Variants in KCNG3 observed in about 807,000 individuals in gnomAD.
The protein encoded by KCNG3 is voltage-gated potassium channel regulatory subunit KCNG3.
A neutral mutation model predicts 29.0 loss-of-function variants in KCNG3; 15 were observed. That is an observed-to-expected ratio of 0.52 (90% CI 0.35 to 0.80). The LOEUF (loss-of-function observed/expected upper bound fraction) is 0.80. Among genes scored for constraint, KCNG3 ranks in the 30% least tolerant of loss-of-function variants. The pLI is 0.01. For synonymous variants in KCNG3, 322 were observed against 248.9 expected (o/e 1.29, Z -2.76); for missense variants, 512 against 605.7 (o/e 0.85, Z 1.62).
chr2:42,395,536 T>C, the KCNG3 span, among the ~76,000 whole-genome samples: 1 of 152,324 alleles, frequency 6.6e-6, no homozygotes. Flanking sequence ...GTAGATGTAA[T>C]AATGATGTCT....
chr2:42,396,134 G>T, the KCNG3 span, among the ~76,000 whole-genome samples: 1 of 152,116 alleles, frequency 6.6e-6, no homozygotes, highest in Non-Finnish European at 1.5e-5. Flanking sequence ...ATACCATACT[G>T]AAAGTAAAAA....
chr2:42,487,711 T>G (rs1673762649), intron 1 of KCNG3, among the ~76,000 whole-genome samples: 1 of 152,242 alleles, frequency 6.6e-6, no homozygotes, highest in African/African-American at 2.4e-5. Context: ...TGGAATTATC[T>G]GTGAAAATTA....
At position 42,488,167 on chromosome 2, in the gene KCNG3, T is replaced by C. The variant is rs140276024; in HGVS notation, c.665+4670A>G. On this transcript the variant is annotated intron_variant, in intron 1 of 1. Coordinates refer to ENST00000306078, the MANE Select transcript of KCNG3 (RefSeq NM_133329.6). ...TTTTAGATTTTGAACCGTTTTTATA[T>C]GATTATTAACCATCTAAAACAAATC... Among the ~76,000 whole-genome samples, 8 of 152,356 alleles carry C rather than the reference T, an allele frequency of 5.3e-5. No individual in the cohort carries two copies. The East Asian group carries it at 1.3e-3, about 26-fold the overall frequency.
In KCNG3 at chr2:42,493,364, G is replaced by A. The variant is rs771996239; in HGVS notation, c.138C>T (p.Asp46=). ...SRLHGCRSER[D]VLEVCDDYDR... is the part of the protein sequence containing the mutation. ...CGTAGTCGTCGCACACCTCGAGCAC[G>A]TCGCGCTCGGAGCGGCAGCCGTGCA... Residue 46 remains aspartate (D), a synonymous_variant, in exon 1 of 2, where the codon GAC becomes GAT. Transcript: ENST00000306078. 17 of 1,572,266 alleles carry A rather than the reference G, an allele frequency of 1.1e-5. No individual in the cohort carries two copies. Among genetic ancestry groups the A allele is most frequent in the Admixed American group, 1.8e-5 (1 of 56,250 alleles).
the KCNG3 span, among the ~76,000 whole-genome samples, chr2:42,397,266 A>G: frequency 6.6e-6 from 1 of 152,318 alleles, no homozygotes; most frequent in East Asian, 1.9e-4. Flanking sequence ...AGAGAAAAAA[A>G]AAGCAATGAG....
the KCNG3 span, among the ~76,000 whole-genome samples, chr2:42,430,692 G>A: frequency 6.6e-6 from 1 of 152,062 alleles, no homozygotes; most frequent in African/African-American, 2.4e-5. Context: ...AGATGGTCGA[G>A]GCTACAATGA....
At chr2:42,485,062 G>A (rs779213149) in intron 1 of KCNG3, among the ~76,000 whole-genome samples, 12 of 152,204 alleles carry the variant, frequency 7.9e-5, no homozygotes, top group Admixed American at 5.2e-4. Context: ...AAAGGCAATC[G>A]AAATAATATA....
chr2:42,390,622 G>C, the KCNG3 span, among the ~76,000 whole-genome samples: 1 of 152,176 alleles, frequency 6.6e-6, no homozygotes, highest in African/African-American at 2.4e-5. Flanking sequence ...TTGTTTATCA[G>C]ACTCCTCTGA....
Position 42,452,243 on chromosome 2 carries a change from ATTTT to A in KCNG3, c.666-7668_666-7665del, listed in dbSNP as rs771771721. ...TAAATATATATATATATATATATATATTTTTTTTTTTTTTTTAAAGGAAACAGAA... is the reference window on the plus strand; with the variant it reads ...TAAATATATATATATATATATATATATTTTTTTTTTTTAAAGGAAACAGAA... On this transcript the variant is annotated intron_variant, in intron 1 of 1. Transcript: ENST00000306078. Among the ~76,000 whole-genome samples the A allele has an allele frequency of 4.0e-3, 378 of 95,038 alleles. 7 individuals are homozygous for A. The highest frequency in any genetic ancestry group is 0.021 in the South Asian group (65 of 3,166). 62.3% of individuals were successfully genotyped at this position (95,038 alleles called of 152,430 possible). A position where few individuals can be genotyped will look rare whatever the true frequency, so the allele number is the denominator to read the frequency against.
At chr2:42,429,554 G>A in the KCNG3 span, among the ~76,000 whole-genome samples, 2 of 152,270 alleles carry the variant, frequency 1.3e-5, no homozygotes, top group Middle Eastern at 6.8e-3. Flanking sequence ...TGTCGAATCA[G>A]CAAAATGTCA....
the KCNG3 span, among the ~76,000 whole-genome samples, chr2:42,432,957 CA>C: frequency 4.0e-3 from 529 of 133,638 alleles, 1 homozygote; most frequent in Non-Finnish European, 4.5e-3. Context: ...AACAAAAAAA[CA>C]AAAAAAAAAC....
chr2:42,492,181 T>A (rs4952815), intron 1 of KCNG3, among the ~76,000 whole-genome samples: 7 of 151,986 alleles, frequency 4.6e-5, no homozygotes, highest in Non-Finnish European at 1.0e-4. Context: ...CCTTCCCATA[T>A]CATAGACCCT....
intron 1 of KCNG3, among the ~76,000 whole-genome samples, chr2:42,459,578 C>T (rs953856875): frequency 1.3e-5 from 2 of 152,200 alleles, no homozygotes; most frequent in African/African-American, 4.8e-5. Flanking sequence ...ATTCATTCAC[C>T]ATGCAACAAA....
chr2:42,434,880 T>C, the KCNG3 span, among the ~76,000 whole-genome samples: 2 of 152,102 alleles, frequency 1.3e-5, no homozygotes, highest in East Asian at 3.8e-4. Flanking sequence ...GACTGATCTT[T>C]TCAACAACTG....
chr2:42,459,609 T>G (rs939720272), intron 1 of KCNG3, among the ~76,000 whole-genome samples: 2 of 152,180 alleles, frequency 1.3e-5, no homozygotes, highest in African/African-American at 4.8e-5. Context: ...GACTGCCTAA[T>G]GTATGTCAGG....
chr2:42,420,054 T>C, the KCNG3 span, among the ~76,000 whole-genome samples: 1 of 151,884 alleles, frequency 6.6e-6, no homozygotes, highest in African/African-American at 2.4e-5. Context: ...GAAAACCCTA[T>C]CTCTACTAAA....
the KCNG3 span, among the ~76,000 whole-genome samples, chr2:42,405,853 G>A: frequency 9.2e-5 from 14 of 152,110 alleles, no homozygotes; most frequent in Middle Eastern, 3.4e-3. Flanking sequence ...TGACCTGCCC[G>A]CCTCGGCCTC....
Position 42,493,375 on chromosome 2 carries a change from A to C in KCNG3, c.127T>G (p.Ser43Ala), listed in dbSNP as rs375635474. Reference protein sequence around the residue: ...RRVSRLHGCRSERDVLEVCDD... With the variant: ...RRVSRLHGCRAERDVLEVCDD... ...CACACCTCGAGCACGTCGCGCTCGG[A>C]GCGGCAGCCGTGCAGCCGGCTCACG... The change falls in exon 1 of 2, where the codon TCC becomes GCC. Residue 43 changes from serine to alanine, a missense_variant. This residue lies in a region of KCNG3 where 91 missense variants were observed against 91.1 expected (regional missense o/e 1.00). Transcript: ENST00000306078. 6.4e-7 allele frequency: 1 copy of C among 1,555,214 alleles called. No homozygotes were observed. The highest frequency in any genetic ancestry group is 1.4e-5 in the African/African-American group (1 of 73,512).
At chr2:42,458,164 C>G (rs774368004) in intron 1 of KCNG3, among the ~76,000 whole-genome samples, 1 of 152,128 alleles carries the variant, frequency 6.6e-6, no homozygotes. Context: ...GGCAGGACAA[C>G]GATAATGATG....
Sources: allele counts gnomAD v4.1 joint callset (sites outside exome capture counted in the v4.1 genomes callset), GRCh38; gene constraint gnomAD v4.1.1; regional missense constraint gnomAD v4.1.1; transcripts MANE v1.5; gene names NCBI Gene and HGNC (gene_info 2026-07-23, HGNC 2026-07-21).